NPAT: variants seen among roughly 807,000 people sequenced by gnomAD.
NPAT encodes the protein nuclear protein, coactivator of histone transcription, also known as protein NPAT.
In NPAT, 52 loss-of-function variants were observed where a neutral mutation model predicts 130.7. That is an observed-to-expected ratio of 0.40 (90% CI 0.32 to 0.50). The LOEUF (loss-of-function observed/expected upper bound fraction) is 0.50. NPAT is among the 20% of genes least tolerant of loss of function. The probability of loss-of-function intolerance (pLI) is 0.68; values close to 1 mark genes in which losing one functional copy is unlikely to be tolerated. For synonymous variants in NPAT, 580 were observed against 584.8 expected (o/e 0.99, Z 0.12); for missense variants, 1,687 against 1,662.6 (o/e 1.01, Z -0.26).
rs1239046603 is a variant in NPAT at position 108,176,343 on chromosome 11, T to C, written c.1035A>G (p.Gln345=). 2 of 1,553,994 alleles carry C rather than the reference T, an allele frequency of 1.3e-6. No individual in the cohort carries two copies. The highest frequency in any genetic ancestry group is 1.7e-5 in the Admixed American group (1 of 59,914). Residue 345 remains glutamine (Q), a synonymous_variant, in exon 12 of 18, where the codon CAA becomes CAG. Coordinates refer to ENST00000278612, the MANE Select transcript of NPAT (RefSeq NM_002519.3). ...GKTKNNKNIS[Q]SISSQPMESN... ...ATTCCATAGGTTGACTGGAAATACT[T>C]TGTGATATATTTTTATTATTCTTTG...
At chr11:108,193,434 A>G (rs2078190030) in intron 3 of NPAT, among the ~76,000 whole-genome samples, 1 of 152,138 alleles carries the variant, frequency 6.6e-6, no homozygotes, top group Non-Finnish European at 1.5e-5. Context: ...CAATGTAAAC[A>G]CAAACAAATG....
intron 10 of NPAT, among the ~76,000 whole-genome samples, chr11:108,178,119 T>C (rs1471859401): frequency 6.6e-6 from 1 of 152,210 alleles, no homozygotes; most frequent in Non-Finnish European, 1.5e-5. Context: ...CTTTTATCTG[T>C]CTGCTCTGGG....
chr11:108,211,052 C>G (rs2078379133), intron 1 of NPAT, among the ~76,000 whole-genome samples: 1 of 151,956 alleles, frequency 6.6e-6, no homozygotes, highest in African/African-American at 2.4e-5. Flanking sequence ...AAACCCATCT[C>G]TACTACAAAT....
intron 10 of NPAT, among the ~76,000 whole-genome samples, chr11:108,180,019 A>C (rs774974462): frequency 3.7e-4 from 57 of 152,174 alleles, no homozygotes; most frequent in Admixed American, 6.6e-4. Context: ...ATAAGGGGTT[A>C]ATATCAAGAA....
At chr11:108,213,874 C>T (rs1274029338) in intron 1 of NPAT, among the ~76,000 whole-genome samples, 1 of 152,084 alleles carries the variant, frequency 6.6e-6, no homozygotes, top group African/African-American at 2.4e-5. Context: ...AGCATGGAAT[C>T]CAGACATTTA....
intron 15 of NPAT, among the ~76,000 whole-genome samples, chr11:108,166,329 T>C (rs2077902528): frequency 6.6e-6 from 1 of 152,000 alleles, no homozygotes; most frequent in South Asian, 2.1e-4. Context: ...GAGGCGAAGG[T>C]AGCAGTGAGC....
intron 1 of NPAT, among the ~76,000 whole-genome samples, chr11:108,204,596 A>G (rs1262104509): frequency 6.6e-6 from 1 of 152,214 alleles, no homozygotes; most frequent in South Asian, 2.1e-4. Flanking sequence ...GAAAGGGGCT[A>G]TAACATTGTA....
chr11:108,197,339 T>C lies in NPAT; in HGVS notation c.119A>G (p.His40Arg). Residue 40 changes from histidine to arginine, a missense_variant, in exon 2 of 18, where the codon CAT becomes CGT. By Grantham distance (29) the His-to-Arg change is conservative. Around this residue, in one of 3 missense-constraint regions of NPAT, gnomAD observed 307 missense variants for 298.9 expected, o/e 1.03. Transcript: ENST00000278612. ...TGGAATAAACCCTTCATCTGTACAA[T>C]GTTCTGCATATTCTTTTAAATCTGA... is the stretch of plus-strand genomic sequence containing the variant. ...ESSDLKEYAEHCTDEGFIPAC... is the reference protein window; with the variant it reads ...ESSDLKEYAERCTDEGFIPAC... The C allele has an allele frequency of 1.9e-6, 3 of 1,612,644 alleles. No individual in the cohort carries two copies. The highest frequency in any genetic ancestry group is 2.5e-6 in the Non-Finnish European group (3 of 1,178,702).
In NPAT at chr11:108,189,216, G is replaced by C. The variant is rs1355532699; in HGVS notation, c.446C>G (p.Thr149Ser). The C allele has an allele frequency of 2.5e-6, 4 of 1,614,084 alleles. No individual in the cohort carries two copies. Among genetic ancestry groups the C allele is most frequent in the African/African-American group, 2.7e-5 (2 of 74,944 alleles). ...TLPYLSGQFT[T>S]PPSTGTQVTR... ...AACCTGTGTACCTGTGGAAGGAGGA[G>C]TGGTAAACTGTCCTGAAAGGTAAGG... Residue 149 changes from threonine to serine, a missense_variant, in exon 6 of 18, where the codon ACT becomes AGT. Physicochemically the swap from Thr to Ser is moderately conservative, Grantham distance 58. This residue lies in a region of NPAT where 307 missense variants were observed against 298.9 expected (regional missense o/e 1.03). Coordinates refer to ENST00000278612, the MANE Select transcript of NPAT (RefSeq NM_002519.3).
intron 4 of NPAT, 96 bp from the exon 5 acceptor site, chr11:108,190,596 G>T: frequency 9.3e-7 from 1 of 1,071,162 alleles, no homozygotes; most frequent in Non-Finnish European, 1.4e-6. Flanking sequence ...TAGTTATGAG[G>T]TAAAAGGCAA....
chr11:108,173,375 C>G lies in NPAT; in HGVS notation c.1609G>C (p.Asp537His). ...GATGGCTTTCCAGTTAATGAAGTAT[C>G]TTGGGATAAAAGTTGAGAACTCTTC... is the stretch of plus-strand genomic sequence containing the variant. ...SGKSSQLLSQ[D>H]TSLTGKPSKK... is the part of the protein sequence containing the mutation. The change falls in exon 13 of 18, where the codon GAT becomes CAT. Residue 537 changes from aspartate (D) to histidine (H), a missense_variant. Coordinates refer to ENST00000278612, the MANE Select transcript of NPAT (RefSeq NM_002519.3). 6.2e-7 allele frequency: 1 copy of G among 1,613,840 alleles called. No individual in the cohort carries two copies. Among genetic ancestry groups the G allele is most frequent in the Non-Finnish European group, 8.5e-7 (1 of 1,179,800 alleles).
At chr11:108,191,903 C>G (rs2078173269) in intron 4 of NPAT, among the ~76,000 whole-genome samples, 1 of 152,176 alleles carries the variant, frequency 6.6e-6, no homozygotes, top group Non-Finnish European at 1.5e-5. Context: ...TGTCATTAAA[C>G]TACTACATAT....
Position 108,189,283 on chromosome 11 carries a change from C to T in NPAT, c.379G>A (p.Ala127Thr). The T allele has an allele frequency of 6.2e-7, 1 of 1,614,162 alleles. No individual in the cohort carries two copies. The highest frequency in any genetic ancestry group is 8.5e-7 in the Non-Finnish European group (1 of 1,180,016). ...GCACTGGCTGGAGCTGTTTGAGATG[C>T]AAGCTTTCTCTGCCGTTTGATTTCT... The part of the protein sequence containing the change: ...IAEIKRQRKL[A>T]SQTAPASAEL... Residue 127 changes from alanine (A) to threonine (T), a missense_variant, in exon 6 of 18, where the codon GCA becomes ACA. This residue lies in a region of NPAT where 307 missense variants were observed against 298.9 expected (regional missense o/e 1.03). Coordinates refer to ENST00000278612, the MANE Select transcript of NPAT (RefSeq NM_002519.3).
Position 108,189,251 on chromosome 11 carries a change from C to G in NPAT, c.411G>C (p.Leu137Phe), listed in dbSNP as rs774948664. 2 of 1,614,144 alleles carry G rather than the reference C, an allele frequency of 1.2e-6. No individual in the cohort carries two copies. Among genetic ancestry groups the G allele is most frequent in the Admixed American group, 1.7e-5 (1 of 60,014 alleles). Reference protein sequence around the residue: ...ASQTAPASAELLTLPYLSGQF... With the variant: ...ASQTAPASAEFLTLPYLSGQF... ...GTCCTGAAAGGTAAGGTAAAGTGAG[C>G]AACTCTGCACTGGCTGGAGCTGTTT... The change falls in exon 6 of 18, where the codon TTG (leucine) becomes TTC (phenylalanine). Residue 137 changes from leucine (L) to phenylalanine (F), a missense_variant. Around this residue, in one of 3 missense-constraint regions of NPAT, gnomAD observed 307 missense variants for 298.9 expected, o/e 1.03. Coordinates refer to ENST00000278612, the MANE Select transcript of NPAT (RefSeq NM_002519.3).
At chr11:108,206,110 C>T (rs973885475) in intron 1 of NPAT, among the ~76,000 whole-genome samples, 13 of 152,186 alleles carry the variant, frequency 8.5e-5, no homozygotes, top group Non-Finnish European at 1.3e-4. Context: ...AAACTTTCTT[C>T]CCCAACTCTG....
In NPAT at chr11:108,161,226, A is replaced by G; in HGVS notation, c.3860T>C (p.Ile1287Thr). Residue 1287 changes from isoleucine (I) to threonine (T), a missense_variant, in exon 17 of 18, where the codon ATC becomes ACC. Ile to Thr is a moderately conservative substitution (Grantham distance 89, BLOSUM62 -1). Transcript: ENST00000278612. ...GAAACGCCTACTAGAGGGGGCCTTGATAATATCTATAGGTTCTTCTTTATG... is the reference window on the plus strand; with the variant it reads ...GAAACGCCTACTAGAGGGGGCCTTGGTAATATCTATAGGTTCTTCTTTATG... ...EKHKEEPIDI[I>T]KAPSSRRFSE... is the part of the protein sequence containing the mutation. 6.2e-7 allele frequency: 1 copy of G among 1,614,092 alleles called. No homozygotes were observed.
At chr11:108,167,682 T>C (rs948536804) in intron 15 of NPAT, among the ~76,000 whole-genome samples, 7 of 152,232 alleles carry the variant, frequency 4.6e-5, no homozygotes, top group African/African-American at 7.2e-5. Flanking sequence ...ATGAGTATCT[T>C]TGTGTTATTC....
intron 1 of NPAT, among the ~76,000 whole-genome samples, chr11:108,201,948 T>C (rs1247635072): frequency 2.0e-5 from 3 of 152,124 alleles, no homozygotes; most frequent in African/African-American, 4.8e-5. Flanking sequence ...TCTTTACAGA[T>C]GGAAGTTCTT....
At chr11:108,193,202 T>C (rs768591738) in intron 3 of NPAT, among the ~76,000 whole-genome samples, 30 of 152,232 alleles carry the variant, frequency 2.0e-4, no homozygotes, top group Non-Finnish European at 4.0e-4. Context: ...TAGAATTTTA[T>C]ATTCTAGTAA....
Sources: gnomAD v4.1 joint callset for allele counts (sites outside exome capture counted in the v4.1 genomes callset) on GRCh38, gnomAD v4.1.1 for gene constraint, gnomAD v4.1.1 regional missense constraint, MANE v1.5 for transcripts, NCBI Gene and HGNC (gene_info 2026-07-23, HGNC 2026-07-21) for gene names.